GATA4: variants seen among roughly 807,000 people sequenced by gnomAD.
The protein encoded by GATA4 is transcription factor GATA-4.
A neutral mutation model predicts 37.9 loss-of-function variants in GATA4; 7 were observed. The ratio of observed to expected loss-of-function variants is 0.18; its 90% CI spans 0.11 to 0.35. GATA4 has a LOEUF of 0.35. Ranked by LOEUF, GATA4 falls within the 10% of genes least tolerant of loss-of-function variation. GATA4 has a pLI of 1.00. For missense variants in GATA4, 647 were observed against 653.0 expected, an observed-to-expected ratio of 0.99 and a Z score of 0.10; for synonymous variants, 372 against 292.6, an observed-to-expected ratio of 1.27 and a Z score of -2.77.
At chr8:11,739,257 T>C (rs1294721300) in intron 2 of GATA4, among the ~76,000 whole-genome samples, 2 of 152,260 alleles carry the variant, frequency 1.3e-5, no homozygotes, top group East Asian at 3.8e-4. Context: ...CCAATTGTCA[T>C]GTAATAAACC....
At chr8:11,754,940 A>C in intron 4 of GATA4, 106 bp from the exon 5 acceptor site, 1 of 835,800 alleles carries the variant, frequency 1.2e-6, no homozygotes, top group Non-Finnish European at 2.0e-6. Flanking sequence ...GGCTTTGTGG[A>C]GAGATTGCTT....
chr8:11,731,413 G>A (rs1485998576), intron 2 of GATA4, among the ~76,000 whole-genome samples: 8 of 152,352 alleles, frequency 5.3e-5, no homozygotes, highest in African/African-American at 1.9e-4. Flanking sequence ...TAAAAAGGAA[G>A]TCTTGCACTG....
upstream of GATA4, chr8:11,691,926 A>C (rs866087013): frequency 1.2e-6 from 1 of 812,582 alleles, no homozygotes; most frequent in South Asian, 5.6e-5. Flanking sequence ...AAAAAAAAAA[A>C]ATCAAAAACC....
intron 1 of GATA4, chr8:11,680,520 T>C: frequency 1.0e-6 from 1 of 985,434 alleles, no homozygotes; most frequent in African/African-American, 1.7e-5. Flanking sequence ...CCAGGTCACC[T>C]CGGACGGGTG....
At chr8:11,735,371 G>T (rs1801403762) in intron 2 of GATA4, among the ~76,000 whole-genome samples, 1 of 152,232 alleles carries the variant, frequency 6.6e-6, no homozygotes, top group Admixed American at 6.5e-5. Flanking sequence ...TTGGATAGCA[G>T]ATGGTGGGGG....
At chr8:11,697,384 C>G (rs1376792702) in intron 1 of GATA4, among the ~76,000 whole-genome samples, 1 of 152,220 alleles carries the variant, frequency 6.6e-6, no homozygotes, top group Non-Finnish European at 1.5e-5. Flanking sequence ...TCTAGCTATT[C>G]CAAGCTCCGT....
Position 11,708,116 on chromosome 8 carries a change from C to G in GATA4, c.-197C>G. 1.4e-6 allele frequency: 1 copy of G among 708,098 alleles called. No homozygotes were observed. Among genetic ancestry groups the G allele is most frequent in the Non-Finnish European group, 2.5e-6 (1 of 399,146 alleles). 43.9% of individuals were successfully genotyped at this position (708,098 alleles called of 1,614,324 possible). A position where few individuals can be genotyped will look rare whatever the true frequency, so the allele number is the denominator to read the frequency against. ...TGGGATTTTCCGGAGTAAACAAGAGCCTAGAGCCCTTTGCTCAATGCTGGA... is the reference window on the plus strand; with the variant it reads ...TGGGATTTTCCGGAGTAAACAAGAGGCTAGAGCCCTTTGCTCAATGCTGGA... On this transcript the variant is annotated 5_prime_UTR_variant, in exon 2 of 7. Coordinates refer to ENST00000532059, the MANE Select transcript of GATA4 (RefSeq NM_001308093.3). This position sits in a 1 kb window ranked among gnomAD's most constrained non-coding sequence, Gnocchi z 6.7.
chr8:11,705,341 G>C (rs1384106393), intron 1 of GATA4, among the ~76,000 whole-genome samples: 1 of 152,194 alleles, frequency 6.6e-6, no homozygotes, highest in African/African-American at 2.4e-5. Context: ...GGCCGGCTTG[G>C]TTGTGCCGGC....
At position 11,708,946 on chromosome 8, in the gene GATA4, G is replaced by T. The variant is rs1174507680; in HGVS notation, c.616+18G>T. ...CAATCTCGGTGAGTAGGAGCGCGAG[G>T]GCTGGGGCGCGTGAGGGCCGGGGCA... On this transcript the variant is annotated intron_variant, in intron 2 of 6. Coordinates refer to ENST00000532059, the MANE Select transcript of GATA4 (RefSeq NM_001308093.3). This position sits in a 1 kb window ranked among gnomAD's most constrained non-coding sequence, Gnocchi z 6.7. The T allele has an allele frequency of 5.9e-6, 9 of 1,519,908 alleles. No homozygotes were observed. Among genetic ancestry groups the T allele is most frequent in the Non-Finnish European group, 7.0e-6 (8 of 1,140,596 alleles). The allele number at this position is 1,519,908 out of a possible 1,614,324, so 94.2% of individuals were successfully genotyped here.
chr8:11,715,392 C>T (rs182757653), intron 2 of GATA4, among the ~76,000 whole-genome samples: 144 of 152,068 alleles, frequency 9.5e-4, no homozygotes, highest in Non-Finnish European at 1.5e-3. Context: ...CTTATTAATC[C>T]ATTTAATAAC....
At chr8:11,757,742 C>T (rs1318515325) in intron 6 of GATA4, among the ~76,000 whole-genome samples, 2 of 152,234 alleles carry the variant, frequency 1.3e-5, no homozygotes, top group Non-Finnish European at 1.5e-5. Flanking sequence ...AGGACGATGG[C>T]GTCTCGGCCT....
rs565739030 is a variant in GATA4, at chr8:11,679,643, G to A, written c.-274+2580G>A. On this transcript the variant is annotated intron_variant, in intron 1 of 6. Transcript: ENST00000528712. ...ACCTGCCCGACCCCAGGGCAGCCAAGCACCCGCGGCCTTAAAAGTATCCCG... is the reference window on the plus strand; with the variant it reads ...ACCTGCCCGACCCCAGGGCAGCCAAACACCCGCGGCCTTAAAAGTATCCCG... 5.3e-5 allele frequency among the ~76,000 whole-genome samples: 8 copies of A among 152,334 alleles called. No homozygotes were observed. The South Asian group carries it at 1.7e-3, about 32-fold the overall frequency.
intron 1 of GATA4, among the ~76,000 whole-genome samples, chr8:11,681,798 C>T (rs149377486): frequency 6.6e-6 from 1 of 152,230 alleles, no homozygotes; most frequent in Non-Finnish European, 1.5e-5. Context: ...CCTTGCCTGC[C>T]TGTCTTCTTT....
chr8:11,707,605 GCA>G lies in GATA4; in HGVS notation c.-457-247_-457-246del. Among the ~76,000 whole-genome samples, 1 of 152,218 alleles carries G rather than the reference GCA, an allele frequency of 6.6e-6. No homozygotes were observed. Among genetic ancestry groups the G allele is most frequent in the Non-Finnish European group, 1.5e-5 (1 of 68,002 alleles). On this transcript the variant is annotated intron_variant, in intron 1 of 6. Coordinates refer to ENST00000532059, the MANE Select transcript of GATA4 (RefSeq NM_001308093.3). This position sits in a 1 kb window ranked among gnomAD's most constrained non-coding sequence, Gnocchi z 4.7. Reference sequence around the variant, plus strand: ...TTGACCAAGATCACAACCAATAACTGCACACCAAAGACCCGGGAAGCCCCTGG... The same window carrying G: ...TTGACCAAGATCACAACCAATAACTGCACCAAAGACCCGGGAAGCCCCTGG...
At position 11,707,859 on chromosome 8, in the gene GATA4, C is replaced by G. The variant is rs998924533; in HGVS notation, c.-454C>G. 5 of 246,382 alleles carry G rather than the reference C, an allele frequency of 2.0e-5. No homozygotes were observed. The East Asian group carries it at 7.1e-4, about 35-fold the overall frequency. 15.3% of individuals were successfully genotyped at this position (246,382 alleles called of 1,614,324 possible). A position where few individuals can be genotyped will look rare whatever the true frequency, so the allele number is the denominator to read the frequency against. On this transcript the variant is annotated 5_prime_UTR_variant, in exon 2 of 7. Coordinates refer to ENST00000532059, the MANE Select transcript of GATA4 (RefSeq NM_001308093.3). The surrounding 1 kb of genome is among the most constrained non-coding windows in gnomAD (Gnocchi z 4.7). ...CTTTCTGTCGTTCCTCTTTTAGGACCCCGGCTGCGGCGAGGAGGAAGGAGC... is the reference window on the plus strand; with the variant it reads ...CTTTCTGTCGTTCCTCTTTTAGGACGCCGGCTGCGGCGAGGAGGAAGGAGC...
intron 2 of GATA4, among the ~76,000 whole-genome samples, chr8:11,731,690 A>G (rs961461194): frequency 6.6e-6 from 1 of 152,260 alleles, no homozygotes; most frequent in Non-Finnish European, 1.5e-5. Flanking sequence ...CACATTTACT[A>G]TCACTGAACT....
Position 11,708,484 on chromosome 8 carries a change from G to A in GATA4, c.172G>A (p.Gly58Ser), listed in dbSNP as rs900532442. Residue 58 changes from glycine to serine, a missense_variant, in exon 2 of 7, where the codon GGC (glycine) becomes AGC (serine). Around this residue, in one of 5 missense-constraint regions of GATA4, gnomAD observed 379 missense variants for 334.5 expected, o/e 1.13. Transcript: ENST00000532059. The surrounding 1 kb of genome is among the most constrained non-coding windows in gnomAD (Gnocchi z 6.7). The stretch of plus-strand genomic sequence containing the variant: ...GGGCCTGTCCTACCTCCAGGGCGGA[G>A]GCGCGGGCTCTGCGTCCGGAGGCGC... Reference protein sequence around the residue: ...VLGLSYLQGGGAGSASGGASG... With the variant: ...VLGLSYLQGGSAGSASGGASG... 2 of 1,501,050 alleles carry A rather than the reference G, an allele frequency of 1.3e-6. No homozygotes were observed. Among genetic ancestry groups the A allele is most frequent in the African/African-American group, 2.9e-5 (2 of 68,936 alleles). The allele number at this position is 1,501,050 out of a possible 1,614,324, so 93.0% of individuals were successfully genotyped here.
At chr8:11,711,249 C>A (rs1800169460) in intron 2 of GATA4, among the ~76,000 whole-genome samples, 1 of 152,226 alleles carries the variant, frequency 6.6e-6, no homozygotes, top group Admixed American at 6.5e-5. Flanking sequence ...CCTCCCTGTG[C>A]GTCTCTCTGC....
rs952261959 is a variant in GATA4 at position 11,708,240 on chromosome 8, T to C, written c.-73T>C. Reference sequence around the variant, plus strand: ...ACGCATATTATCGTTGTTGCCGTCGTTTTCTCTCCCCGCGTGGCTCCTTGA... The same window carrying C: ...ACGCATATTATCGTTGTTGCCGTCGCTTTCTCTCCCCGCGTGGCTCCTTGA... On this transcript the variant is annotated 5_prime_UTR_variant, in exon 2 of 7. Coordinates refer to ENST00000532059, the MANE Select transcript of GATA4 (RefSeq NM_001308093.3). This position sits in a 1 kb window ranked among gnomAD's most constrained non-coding sequence, Gnocchi z 6.7. The C allele has an allele frequency of 2.0e-6, 3 of 1,516,388 alleles. No homozygotes were observed. In the South Asian group the frequency reaches 3.6e-5, roughly 18 times the overall value. 93.9% of individuals were successfully genotyped at this position (1,516,388 alleles called of 1,614,324 possible).
Sources: gnomAD v4.1 joint callset for allele counts (sites outside exome capture counted in the v4.1 genomes callset) on GRCh38, gnomAD v4.1.1 for gene constraint, gnomAD v4.1.1 regional missense constraint, Gnocchi (gnomAD v3.1) non-coding constraint, MANE v1.5 for transcripts, NCBI Gene and HGNC (gene_info 2026-07-23, HGNC 2026-07-21) for gene names.